FIGNL2: variants seen among roughly 807,000 people sequenced by gnomAD.
FIGNL2 encodes the protein fidgetin-like protein 2.
For missense variants in FIGNL2, 1,060 were observed against 950.2 expected, an observed-to-expected ratio of 1.12 and a Z score of -1.52; for synonymous variants, 565 against 484.0, an observed-to-expected ratio of 1.17 and a Z score of -2.20.
At chr12:51,830,715 A>C (rs1439425239) in intron 1 of FIGNL2, among the ~76,000 whole-genome samples, 1 of 151,702 alleles carries the variant, frequency 6.6e-6, no homozygotes. Context: ...CTGGTCTCAA[A>C]CTCCTGACCT....
chr12:51,827,712 G>T (rs575916999), intron 1 of FIGNL2, among the ~76,000 whole-genome samples: 65 of 152,216 alleles, frequency 4.3e-4, no homozygotes, highest in Non-Finnish European at 6.6e-4. Flanking sequence ...GGGAAACTTG[G>T]TGAATGTTCT....
intron 1 of FIGNL2, among the ~76,000 whole-genome samples, chr12:51,839,929 G>A (rs1245158502): frequency 6.6e-6 from 1 of 152,208 alleles, no homozygotes; most frequent in African/African-American, 2.4e-5. Context: ...AGAAAGAGCA[G>A]GGCCACTGGG....
At chr12:51,832,681 C>A (rs1939495264) in intron 1 of FIGNL2, among the ~76,000 whole-genome samples, 1 of 152,184 alleles carries the variant, frequency 6.6e-6, no homozygotes, top group South Asian at 2.1e-4. Context: ...CCCATCCCAT[C>A]TCCTAGCTTT....
intron 1 of FIGNL2, among the ~76,000 whole-genome samples, chr12:51,828,073 A>G (rs1939381612): frequency 6.6e-6 from 1 of 151,670 alleles, no homozygotes; most frequent in Non-Finnish European, 1.5e-5. Context: ...GCACACCTAC[A>G]CTCACCAACA....
In FIGNL2 at chr12:51,820,921, G is replaced by A; in HGVS notation, c.1493C>T (p.Pro498Leu). Residue 498 changes from proline to leucine, a missense_variant, in exon 2 of 2, where the codon CCC becomes CTC. By Grantham distance (98) the Pro-to-Leu change is moderately conservative. Coordinates refer to ENST00000618634, the MANE Select transcript of FIGNL2 (RefSeq NM_001384995.1). ...LLISELEALL[P>L]ARDDGAAAGG... Reference sequence around the variant, plus strand: ...TGCCGCCGCGCCGTCGTCCCGGGCGGGGAGCAGCGCCTCTAGCTCGCTGAT... The same window carrying A: ...TGCCGCCGCGCCGTCGTCCCGGGCGAGGAGCAGCGCCTCTAGCTCGCTGAT... 3 of 1,324,900 alleles carry A rather than the reference G, an allele frequency of 2.3e-6. No individual in the cohort carries two copies. Among genetic ancestry groups the A allele is most frequent in the Non-Finnish European group, 2.9e-6 (3 of 1,045,600 alleles). The allele number at this position is 1,324,900 out of a possible 1,614,324, so 82.1% of individuals were successfully genotyped here.
At chr12:51,834,463 A>G (rs1939546269) in intron 1 of FIGNL2, among the ~76,000 whole-genome samples, 1 of 152,194 alleles carries the variant, frequency 6.6e-6, no homozygotes, top group African/African-American at 2.4e-5. Flanking sequence ...AATTCCCATC[A>G]AAGGTCTCTG....
At chr12:51,843,804 T>C (rs959514825) in intron 1 of FIGNL2, among the ~76,000 whole-genome samples, 1 of 152,066 alleles carries the variant, frequency 6.6e-6, no homozygotes, top group Non-Finnish European at 1.5e-5. Flanking sequence ...CTGGTTGCAA[T>C]GGCTCACACC....
Position 51,821,078 on chromosome 12 carries a change from C to T in FIGNL2, c.1336G>A (p.Ala446Thr), listed in dbSNP as rs1939170312. The change falls in exon 2 of 2, where the codon GCC (alanine) becomes ACC (threonine). Residue 446 changes from alanine (A) to threonine (T), a missense_variant. By Grantham distance (58) the Ala-to-Thr change is moderately conservative. Transcript: ENST00000618634. ...AACAGCGTGGCGCCCAGCTGCGTGG[C>T]GAGGCAGCGGCCCAGCAGCGCTTTG... ...AGKALLGRCL[A>T]TQLGATLLRL... The T allele has an allele frequency of 7.7e-7, 1 of 1,290,882 alleles. No homozygotes were observed. The highest frequency in any genetic ancestry group is 3.2e-5 in the East Asian group (1 of 31,080). The allele number at this position is 1,290,882 out of a possible 1,614,324, so 80.0% of individuals were successfully genotyped here. A position where few individuals can be genotyped will look rare whatever the true frequency, so the allele number is the denominator to read the frequency against.
intron 1 of FIGNL2, among the ~76,000 whole-genome samples, chr12:51,838,601 TC>T (rs1276684355): frequency 6.6e-6 from 1 of 152,102 alleles, no homozygotes; most frequent in African/African-American, 2.4e-5. Context: ...ATCTGTTTCC[TC>T]CATTGTGAAA....
At chr12:51,827,833 C>T (rs1012975520) in intron 1 of FIGNL2, among the ~76,000 whole-genome samples, 1 of 152,230 alleles carries the variant, frequency 6.6e-6, no homozygotes, top group African/African-American at 2.4e-5. Flanking sequence ...TTTTACATCT[C>T]TAATGCAGCC....
At chr12:51,830,268 A>C (rs1356638632) in intron 1 of FIGNL2, among the ~76,000 whole-genome samples, 1 of 151,394 alleles carries the variant, frequency 6.6e-6, no homozygotes, top group Non-Finnish European at 1.5e-5. Flanking sequence ...CAGCCTGGGC[A>C]ACAGAGCCAG....
intron 1 of FIGNL2, chr12:51,847,729 G>A: frequency 2.0e-6 from 2 of 985,390 alleles, no homozygotes; most frequent in South Asian, 4.7e-5. Context: ...TCACCTACAG[G>A]GTGCTCAGCA....
intron 1 of FIGNL2, chr12:51,824,642 CG>C (rs1939296366): frequency 6.6e-6 from 1 of 152,128 alleles, no homozygotes; most frequent in Non-Finnish European, 1.5e-5. Flanking sequence ...CAGCTCTTGC[CG>C]AGCAGGATCT....
intron 1 of FIGNL2, among the ~76,000 whole-genome samples, chr12:51,828,761 C>CT (rs1225129113): frequency 1.3e-5 from 2 of 152,332 alleles, no homozygotes; most frequent in South Asian, 2.1e-4. Context: ...ATGCCCTGAG[C>CT]TGTCACTCTG....
At position 51,821,106 on chromosome 12, in the gene FIGNL2, C is replaced by A. The variant is rs773593313; in HGVS notation, c.1308G>T (p.Ala436=). The change falls in exon 2 of 2, where the codon GCG becomes GCT. Residue 436 remains alanine (A), a synonymous_variant. Coordinates refer to ENST00000618634, the MANE Select transcript of FIGNL2 (RefSeq NM_001384995.1). ...RTVLLFGPRG[A]GKALLGRCLA... is the part of the protein sequence containing the mutation. ...GGCAGCGGCCCAGCAGCGCTTTGCCCGCGCCCCGCGGCCCAAAGAGCAGGA... is the reference window on the plus strand; with the variant it reads ...GGCAGCGGCCCAGCAGCGCTTTGCCAGCGCCCCGCGGCCCAAAGAGCAGGA... The A allele has an allele frequency of 4.3e-5, 59 of 1,376,996 alleles. No individual in the cohort carries two copies. In the African/African-American group the frequency reaches 8.5e-4, roughly 20 times the overall value. 85.3% of individuals were successfully genotyped at this position (1,376,996 alleles called of 1,614,324 possible).
chr12:51,832,353 T>C (rs1939488347), intron 1 of FIGNL2, among the ~76,000 whole-genome samples: 1 of 152,024 alleles, frequency 6.6e-6, no homozygotes, highest in African/African-American at 2.4e-5. Context: ...AGCTACATTC[T>C]ATCTCTCTCT....
At position 51,821,482 on chromosome 12, in the gene FIGNL2, G is replaced by A. The variant is rs1939192681; in HGVS notation, c.932C>T (p.Ala311Val). The A allele has an allele frequency of 3.2e-6, 5 of 1,552,010 alleles. No homozygotes were observed. Among genetic ancestry groups the A allele is most frequent in the African/African-American group, 1.4e-5 (1 of 71,808 alleles). ...CTCCTCCGCGGCTCCTGGCGGCTTG[G>A]CCCGGAACCCGTTGCCCCGACATTC... ...NGECRGNGFR[A>V]KPPGAAEEAS... Residue 311 changes from alanine (A) to valine (V), a missense_variant, in exon 2 of 2, where the codon GCC becomes GTC. Physicochemically the swap from Ala to Val is moderately conservative, Grantham distance 64 (BLOSUM62 0). Transcript: ENST00000618634.
At chr12:51,842,698 C>A (rs1185394974) in intron 1 of FIGNL2, among the ~76,000 whole-genome samples, 4 of 152,106 alleles carry the variant, frequency 2.6e-5, no homozygotes, top group Non-Finnish European at 4.4e-5. Flanking sequence ...TCCTCTGAGG[C>A]AAGCCCCTGC....
At position 51,822,393 on chromosome 12, in the gene FIGNL2, G is replaced by A. The variant is rs765155362; in HGVS notation, c.21C>T (p.His7=). MHWTPE[H]AQPLNQWPEQ... is the part of the protein sequence containing the mutation. ...CTGGCCACTGGTTGAGGGGCTGGGC[G>A]TGTTCTGGTGTCCAGTGCATCTTCA... Residue 7 remains histidine, a synonymous_variant, in exon 2 of 2, where the codon CAC becomes CAT. Transcript: ENST00000618634. 1.5e-5 allele frequency: 25 copies of A among 1,613,712 alleles called. No individual in the cohort carries two copies. The highest frequency in any genetic ancestry group is 8.3e-5 in the Admixed American group (5 of 59,990).
Sources: gnomAD v4.1 joint callset for allele counts (sites outside exome capture counted in the v4.1 genomes callset) on GRCh38, gnomAD v4.1.1 for gene constraint, MANE v1.5 for transcripts, NCBI Gene and HGNC (gene_info 2026-07-23, HGNC 2026-07-21) for gene names.